Variants in BLOC1S5 observed in about 807,000 individuals in gnomAD.
BLOC1S5 encodes biogenesis of lysosomal organelles complex 1 subunit 5.
In BLOC1S5, 27 loss-of-function variants were observed where a neutral mutation model predicts 24.3. The observed-to-expected ratio is 1.11, with a 90% confidence interval of 0.82 to 1.53. The LOEUF (loss-of-function observed/expected upper bound fraction) is 1.53. BLOC1S5 is among the 40% of genes most tolerant of loss of function. BLOC1S5 has a pLI of 0.00. For missense variants in BLOC1S5, 239 were observed against 229.4 expected (o/e 1.04, Z -0.27); for synonymous variants, 84 against 74.5 (o/e 1.13, Z -0.66).
chr6:8,031,230 C>T (rs1381742218), intron 3 of BLOC1S5, among the ~76,000 whole-genome samples: 1 of 152,172 alleles, frequency 6.6e-6, no homozygotes. Context: ...CTAAAAAACC[C>T]TTAAGACTCA....
intron 1 of BLOC1S5, among the ~76,000 whole-genome samples, chr6:8,062,825 G>A (rs908721219): frequency 2.6e-5 from 4 of 152,182 alleles, no homozygotes; most frequent in Non-Finnish European, 5.9e-5. Flanking sequence ...TAAAGTTGCA[G>A]ACATGTATAC....
intron 2 of BLOC1S5, among the ~76,000 whole-genome samples, chr6:8,043,397 T>C (rs903290494): frequency 2.0e-5 from 3 of 152,146 alleles, no homozygotes; most frequent in Non-Finnish European, 4.4e-5. Flanking sequence ...ACTGATGTAA[T>C]GCGATAAGGG....
intron 2 of BLOC1S5, among the ~76,000 whole-genome samples, chr6:8,044,544 C>T (rs551306280): frequency 2.5e-4 from 38 of 152,204 alleles, no homozygotes; most frequent in Non-Finnish European, 5.1e-4. Context: ...GTTTGGAGGG[C>T]TCAGAAGAAG....
At chr6:8,022,849 G>T (rs892333836) in intron 4 of BLOC1S5, among the ~76,000 whole-genome samples, 2 of 140,898 alleles carry the variant, frequency 1.4e-5, no homozygotes, top group African/African-American at 6.4e-5. Context: ...CTCCCAAAGT[G>T]CTGGGATTAC....
intron 3 of BLOC1S5, among the ~76,000 whole-genome samples, chr6:8,032,991 T>C (rs1311742849): frequency 2.0e-5 from 3 of 152,088 alleles, no homozygotes; most frequent in South Asian, 2.1e-4. Context: ...CACAAACAAA[T>C]GGAAGAATAC....
chr6:8,016,393 A>AT (rs1215051339), intron 4 of BLOC1S5, among the ~76,000 whole-genome samples: 1 of 152,046 alleles, frequency 6.6e-6, no homozygotes, highest in African/African-American at 2.4e-5. Context: ...CAATCCAAGT[A>AT]TTTTTTCATA....
At chr6:8,035,345 CTTTT>C (rs1256450310) in intron 3 of BLOC1S5, among the ~76,000 whole-genome samples, 4 of 75,600 alleles carry the variant, frequency 5.3e-5, no homozygotes, top group African/African-American at 1.9e-4. Context: ...GAATAAAAAT[CTTTT>C]TTTTTTTTTT....
intron 2 of BLOC1S5, among the ~76,000 whole-genome samples, chr6:8,045,123 C>T (rs983832636): frequency 6.6e-6 from 1 of 152,206 alleles, no homozygotes; most frequent in Non-Finnish European, 1.5e-5. Flanking sequence ...TCCATGGCCT[C>T]CATGCTGTGT....
intron 2 of BLOC1S5, among the ~76,000 whole-genome samples, chr6:8,052,432 C>T (rs1764145957): frequency 6.6e-6 from 1 of 152,104 alleles, no homozygotes; most frequent in African/African-American, 2.4e-5. Context: ...ATTCTAGATG[C>T]CATTAAGAAC....
chr6:8,052,217 T>C (rs551673884), intron 2 of BLOC1S5, among the ~76,000 whole-genome samples: 1 of 152,236 alleles, frequency 6.6e-6, no homozygotes, highest in South Asian at 2.1e-4. Flanking sequence ...TCCACCCGCC[T>C]CGGCCTCCCA....
intron 2 of BLOC1S5, among the ~76,000 whole-genome samples, chr6:8,042,448 T>C (rs984096224): frequency 1.3e-5 from 2 of 152,208 alleles, no homozygotes; most frequent in Non-Finnish European, 2.9e-5. Context: ...ACTTGACTAG[T>C]AAACAGTTTC....
chr6:8,041,107 G>C, intron 3 of BLOC1S5, 32 bp downstream of exon 3: 1 of 1,556,640 alleles, frequency 6.4e-7, no homozygotes, highest in Non-Finnish European at 8.7e-7. Flanking sequence ...CATTTGAAAT[G>C]AAAAGCAATT....
intron 3 of BLOC1S5, among the ~76,000 whole-genome samples, chr6:8,033,183 A>C (rs1763364174): frequency 6.6e-6 from 1 of 152,182 alleles, no homozygotes. Context: ...AATCCTAAGC[A>C]AAAAGAACAA....
intron 2 of BLOC1S5, among the ~76,000 whole-genome samples, chr6:8,045,403 G>A (rs529252978): frequency 1.5e-3 from 228 of 152,330 alleles, no homozygotes; most frequent in Non-Finnish European, 2.7e-3. Flanking sequence ...CTAGGGCAGT[G>A]CAGAAGGGAA....
intron 2 of BLOC1S5, among the ~76,000 whole-genome samples, chr6:8,058,730 C>T (rs958555858): frequency 6.6e-6 from 1 of 152,124 alleles, no homozygotes; most frequent in Non-Finnish European, 1.5e-5. Flanking sequence ...AGCATATGGA[C>T]AAAGGCAACA....
chr6:8,022,668 T>C (rs13206872), intron 4 of BLOC1S5, among the ~76,000 whole-genome samples: 55,928 of 139,056 alleles, frequency 0.4, 13,009 homozygotes, highest in East Asian at 0.76. Context: ...CACTGCAAGC[T>C]CCGCCTCCCG....
chr6:8,045,277 G>C (rs1763841145), intron 2 of BLOC1S5, among the ~76,000 whole-genome samples: 1 of 152,244 alleles, frequency 6.6e-6, no homozygotes, highest in African/African-American at 2.4e-5. Context: ...GTGGTGCACA[G>C]AAGTCAAGAA....
chr6:8,025,640 T>C (rs1763076804), intron 4 of BLOC1S5, among the ~76,000 whole-genome samples: 1 of 152,202 alleles, frequency 6.6e-6, no homozygotes, highest in African/African-American at 2.4e-5. Flanking sequence ...GTGACAGATG[T>C]GAACTATTAT....
intron 3 of BLOC1S5, among the ~76,000 whole-genome samples, chr6:8,037,725 T>G (rs1763533748): frequency 6.6e-6 from 1 of 152,170 alleles, no homozygotes; most frequent in South Asian, 2.1e-4. Flanking sequence ...CAAAGCATAT[T>G]ATTAATACAA....
Sources: allele counts gnomAD v4.1 joint callset (sites outside exome capture counted in the v4.1 genomes callset), GRCh38; gene constraint gnomAD v4.1.1; transcripts MANE v1.5; gene names NCBI Gene and HGNC (gene_info 2026-07-23, HGNC 2026-07-21).